Variants in BBS4 observed in about 807,000 individuals in gnomAD.
The protein encoded by BBS4 is Bardet-Biedl syndrome 4, also known as BBSome complex member BBS4.
Under a neutral mutation model 71.4 loss-of-function variants are expected in BBS4, and 58 were observed. The ratio of observed to expected loss-of-function variants is 0.81; its 90% CI spans 0.66 to 1.01. The LOEUF is 1.01. BBS4 is among the 50% of genes least tolerant of loss of function. The pLI, the probability that BBS4 is intolerant of heterozygous loss-of-function variation, is 0.00. For synonymous variants in BBS4, 228 were observed against 216.8 expected (o/e 1.05, Z -0.46); for missense variants, 660 against 607.9 (o/e 1.09, Z -0.90).
In BBS4 at chr15:72,737,882, T is replaced by C. The variant is rs755214577; in HGVS notation, c.*295T>C. The C allele has an allele frequency of 2.1e-6, 1 of 469,492 alleles. No individual in the cohort carries two copies. Among genetic ancestry groups the C allele is most frequent in the Non-Finnish European group, 4.2e-6 (1 of 237,158 alleles). The allele number at this position is 469,492 out of a possible 1,614,324, so 29.1% of individuals were successfully genotyped here. On this transcript the variant is annotated 3_prime_UTR_variant, in exon 16 of 16. Coordinates refer to ENST00000268057, the MANE Select transcript of BBS4 (RefSeq NM_033028.5). ...TATGTAGCTGAGTCAGCAAGGTACA[T>C]GATGCTGTCTGCTTTCAAAAGGACT...
At chr15:72,732,224 T>A (rs1014743587) in intron 12 of BBS4, among the ~76,000 whole-genome samples, 3 of 152,222 alleles carry the variant, frequency 2.0e-5, no homozygotes, top group Admixed American at 2.0e-4. Flanking sequence ...TTATTATCAA[T>A]ATTGTTGTTA....
intron 8 of BBS4, among the ~76,000 whole-genome samples, 166 bp downstream of exon 8, chr15:72,724,821 G>A (rs920190339): frequency 6.6e-6 from 1 of 152,166 alleles, no homozygotes. Context: ...AAGGTAGACT[G>A]TGTTTCTTTC....
rs1330297980 is a variant in BBS4, at chr15:72,725,051, T to TAGAG, written c.587+397_587+398insGAGA. On this transcript the variant is annotated intron_variant, in intron 8 of 15. Coordinates refer to ENST00000268057, the MANE Select transcript of BBS4 (RefSeq NM_033028.5). ...ATAAGCATCTGGCTATATATATATA[T>TAGAG]ATATATAGAGAGAGAGAGAGAGAGA... Among the ~76,000 whole-genome samples, 353 of 101,142 alleles carry TAGAG rather than the reference T, an allele frequency of 3.5e-3. 2 individuals are homozygous for TAGAG. Among genetic ancestry groups the TAGAG allele is most frequent in the Middle Eastern group, 5.7e-3 (1 of 176 alleles). The allele number at this position is 101,142 out of a possible 152,430, so 66.4% of individuals were successfully genotyped here.
At chr15:72,713,314 GAC>G (rs36072427) in intron 4 of BBS4, among the ~76,000 whole-genome samples, 5,841 of 143,476 alleles carry the variant, frequency 0.041, 131 homozygotes, top group African/African-American at 0.05. Flanking sequence ...AGGTCTTTGT[GAC>G]ACACACACAC....
At chr15:72,700,917 G>A (rs1466014384) in intron 2 of BBS4, among the ~76,000 whole-genome samples, 1 of 151,900 alleles carries the variant, frequency 6.6e-6, no homozygotes, top group African/African-American at 2.4e-5. Flanking sequence ...TAATTTTTTG[G>A]TTTTAGAAAA....
At chr15:72,693,544 A>G (rs1313853914) in intron 1 of BBS4, among the ~76,000 whole-genome samples, 1 of 152,222 alleles carries the variant, frequency 6.6e-6, no homozygotes, top group Non-Finnish European at 1.5e-5. Context: ...TGTAGGACAA[A>G]AGCAACCATA....
chr15:72,686,567 A>G (rs1212452214), intron 1 of BBS4: 7 of 1,439,536 alleles, frequency 4.9e-6, no homozygotes. Context: ...TTTGGAAGGT[A>G]ATGACTAGCA....
intron 10 of BBS4, among the ~76,000 whole-genome samples, chr15:72,730,593 A>G (rs905860647): frequency 2.6e-5 from 4 of 152,252 alleles, no homozygotes; most frequent in African/African-American, 9.6e-5. Context: ...GTCTCTAAAA[A>G]GAAACAATAA....
At chr15:72,707,096 C>T (rs2065276365) in intron 2 of BBS4, among the ~76,000 whole-genome samples, 1 of 151,286 alleles carries the variant, frequency 6.6e-6, no homozygotes, top group Admixed American at 6.6e-5. Flanking sequence ...GATTGTTTCT[C>T]CTTAGGTTGC....
intron 1 of BBS4, among the ~76,000 whole-genome samples, chr15:72,688,409 A>ACCTTT (rs2064914403): frequency 4.1e-5 from 1 of 24,122 alleles, no homozygotes; most frequent in Non-Finnish European, 9.8e-5. Context: ...GTGGTATTTT[A>ACCTTT]TCTTTTTTTT....
Position 72,716,785 on chromosome 15 carries a change from T to C in BBS4, c.340T>C (p.Leu114=). 3 of 1,607,716 alleles carry C rather than the reference T, an allele frequency of 1.9e-6. No homozygotes were observed. The highest frequency in any genetic ancestry group is 2.5e-6 in the Non-Finnish European group (3 of 1,176,488). Residue 114 remains leucine, a synonymous_variant, in exon 6 of 16, where the codon TTG becomes CTG. Coordinates refer to ENST00000268057, the MANE Select transcript of BBS4 (RefSeq NM_033028.5). ...AAAATATATCTTTTACAGATTTCTT[T>C]TGGGAAAACATAAAGCTGCCATTGA... is the stretch of plus-strand genomic sequence containing the variant. ...LKQVARSLFL[L]GKHKAAIEVY... is the part of the protein sequence containing the mutation.
intron 2 of BBS4, among the ~76,000 whole-genome samples, chr15:72,700,404 C>T (rs117583109): frequency 0.026 from 3,918 of 152,258 alleles, 53 homozygotes; most frequent in Non-Finnish European, 0.036. Flanking sequence ...TTTACCCGAC[C>T]GCCAGCAACG....
chr15:72,725,510 C>T (rs560684180), intron 8 of BBS4, among the ~76,000 whole-genome samples: 17 of 152,116 alleles, frequency 1.1e-4, no homozygotes, highest in East Asian at 3.9e-4. Context: ...AAGAGTTGGC[C>T]GACAGTCTGC....
At chr15:72,689,052 C>T (rs1195606354) in intron 1 of BBS4, among the ~76,000 whole-genome samples, 2 of 151,348 alleles carry the variant, frequency 1.3e-5, no homozygotes, top group East Asian at 1.9e-4. Flanking sequence ...GAGAATGTTA[C>T]GACTAATTGA....
In BBS4 at chr15:72,713,357, G is replaced by GCA. The variant is rs756071828; in HGVS notation, c.220+1052_220+1053dup. On this transcript the variant is annotated intron_variant, in intron 4 of 15. Coordinates refer to ENST00000268057, the MANE Select transcript of BBS4 (RefSeq NM_033028.5). ...CACACACACACACACACACGCACAC[G>GCA]CACGCACGCACTGGTCTAGGCCTAC... Among the ~76,000 whole-genome samples, 717 of 81,414 alleles carry GCA rather than the reference G, an allele frequency of 8.8e-3. 2 individuals carry two copies. The highest frequency in any genetic ancestry group is 0.014 in the African/African-American group (365 of 25,786). The allele number at this position is 81,414 out of a possible 152,430, so 53.4% of individuals were successfully genotyped here. A position where few individuals can be genotyped will look rare whatever the true frequency, so the allele number is the denominator to read the frequency against.
chr15:72,709,197 C>G (rs980975201), intron 2 of BBS4, among the ~76,000 whole-genome samples: 1 of 152,204 alleles, frequency 6.6e-6, no homozygotes, highest in African/African-American at 2.4e-5. Flanking sequence ...GTGGGCATCA[C>G]GGTCCTACCG....
At chr15:72,729,576 C>G (rs968599392) in intron 9 of BBS4, 40 bp from the exon 10 acceptor site, 1 of 1,600,710 alleles carries the variant, frequency 6.2e-7, no homozygotes, top group South Asian at 1.1e-5. Context: ...ACTGCCGTCT[C>G]CTTGCTGATG....
At chr15:72,721,583 G>C (rs1043968660) in intron 6 of BBS4, among the ~76,000 whole-genome samples, 1 of 152,168 alleles carries the variant, frequency 6.6e-6, no homozygotes, top group East Asian at 1.9e-4. Context: ...TATGTTGCAG[G>C]TTTGCTGAAA....
Position 72,727,976 on chromosome 15 carries a change from A to G in BBS4, c.624A>G (p.Leu208=), listed in dbSNP as rs1318415066. 1.9e-6 allele frequency: 3 copies of G among 1,612,320 alleles called. No individual in the cohort carries two copies. Among genetic ancestry groups the G allele is most frequent in the Non-Finnish European group, 2.5e-6 (3 of 1,178,500 alleles). The part of the protein sequence containing the change: ...SPENTELLTT[L]GLLYLQLGIY... ...AAAATACAGAGCTTCTTACAACTTT[A>G]GGATTACTCTACTTACAGGTAATGA... is the stretch of plus-strand genomic sequence containing the variant. Residue 208 remains leucine (L), a synonymous_variant, in exon 9 of 16, where the codon TTA becomes TTG. Coordinates refer to ENST00000268057, the MANE Select transcript of BBS4 (RefSeq NM_033028.5).
Sources: gnomAD v4.1 joint callset for allele counts (sites outside exome capture counted in the v4.1 genomes callset) on GRCh38, gnomAD v4.1.1 for gene constraint, MANE v1.5 for transcripts, NCBI Gene and HGNC (gene_info 2026-07-23, HGNC 2026-07-21) for gene names.